Variants in CNTLN observed in about 807,000 individuals in gnomAD.
CNTLN encodes centlein, also known as centlein, centrosomal protein.
CNTLN carries 212 observed loss-of-function variants against 180.0 expected under a neutral mutation model. That is an observed-to-expected ratio of 1.18 (90% confidence interval 1.05 to 1.32). The LOEUF (loss-of-function observed/expected upper bound fraction) is 1.32. CNTLN is among the 40% of genes most tolerant of loss of function. CNTLN has a pLI of 0.00. For synonymous variants in CNTLN, 722 were observed against 563.1 expected (o/e 1.28, Z -3.99); for missense variants, 2,095 against 1,610.9 (o/e 1.30, Z -5.14).
At chr9:17,308,390 G>T (rs191530456) in intron 7 of CNTLN, among the ~76,000 whole-genome samples, 1 of 151,986 alleles carries the variant, frequency 6.6e-6, no homozygotes, top group Non-Finnish European at 1.5e-5. Context: ...GTATTGAAGA[G>T]CCTTTACATT....
At chr9:17,140,043 G>A (rs889361452) in intron 1 of CNTLN, among the ~76,000 whole-genome samples, 1 of 152,140 alleles carries the variant, frequency 6.6e-6, no homozygotes, top group African/African-American at 2.4e-5. Flanking sequence ...AGTGCCTGAA[G>A]GAAGGGAAAA....
intron 2 of CNTLN, among the ~76,000 whole-genome samples, chr9:17,220,020 T>C (rs1005166710): frequency 3.9e-5 from 6 of 152,080 alleles, no homozygotes; most frequent in Non-Finnish European, 8.8e-5. Context: ...CCTCAATATA[T>C]GAATTTTGAG....
At chr9:17,261,994 T>C (rs1056144262) in intron 5 of CNTLN, among the ~76,000 whole-genome samples, 2 of 151,490 alleles carry the variant, frequency 1.3e-5, no homozygotes, top group African/African-American at 4.9e-5. Context: ...TCAGTAGTCA[T>C]TAGAGAAATG....
At chr9:17,365,999 A>G (rs1375995441) in intron 12 of CNTLN, among the ~76,000 whole-genome samples, 1 of 152,192 alleles carries the variant, frequency 6.6e-6, no homozygotes, top group Non-Finnish European at 1.5e-5. Flanking sequence ...AAAATTATAT[A>G]GTCTGTATTT....
chr9:17,262,898 G>T (rs1475284936), intron 5 of CNTLN, among the ~76,000 whole-genome samples: 1 of 151,158 alleles, frequency 6.6e-6, no homozygotes, highest in Non-Finnish European at 1.5e-5. Flanking sequence ...TACCTAGTTT[G>T]TCGAGAGTTT....
chr9:17,297,879 A>G (rs1818059817), intron 6 of CNTLN, among the ~76,000 whole-genome samples: 1 of 152,232 alleles, frequency 6.6e-6, no homozygotes, highest in Admixed American at 6.5e-5. Context: ...CCACTTGTTA[A>G]TTCTTGAAAC....
chr9:17,330,598 A>G, intron 8 of CNTLN, 34 bp from the exon 9 acceptor site: 2 of 1,146,158 alleles, frequency 1.7e-6, no homozygotes, highest in Non-Finnish European at 2.5e-6. Flanking sequence ...ATACAAACAT[A>G]GATATCTATT....
chr9:17,361,302 CAGGTTTTAG>C (rs1823371915), intron 12 of CNTLN, among the ~76,000 whole-genome samples: 1 of 152,040 alleles, frequency 6.6e-6, no homozygotes, highest in Non-Finnish European at 1.5e-5. Flanking sequence ...TTTTTTAGCA[CAGGTTTTAG>C]AGTATCATTT....
chr9:17,266,183 A>C (rs893240450), intron 5 of CNTLN, among the ~76,000 whole-genome samples: 11 of 152,144 alleles, frequency 7.2e-5, no homozygotes, highest in African/African-American at 2.6e-4. Context: ...TTAGTGCTAT[A>C]AATTTCCTTC....
rs1184663101 is a variant in CNTLN, at chr9:17,141,116, A to T, written c.361-2172A>T. Among the ~76,000 whole-genome samples, 4 of 152,264 alleles carry T rather than the reference A, an allele frequency of 2.6e-5. No homozygotes were observed. In the East Asian group the frequency reaches 7.7e-4, roughly 29 times the overall value. On this transcript the variant is annotated intron_variant, in intron 1 of 25. Coordinates refer to ENST00000380647, the MANE Select transcript of CNTLN (RefSeq NM_017738.4). ...CCAACAGCACTTATATTTCATTGAC[A>T]GAACTTAGTCATATAACCCATAAGG... is the stretch of plus-strand genomic sequence containing the variant.
chr9:17,386,161 A>G lies in CNTLN; in HGVS notation c.1988-2001A>G, dbSNP rs1361630390. Among the ~76,000 whole-genome samples the G allele has an allele frequency of 1.3e-5, 2 of 152,064 alleles. 1 individual carries two copies. The highest frequency in any genetic ancestry group is 2.9e-5 in the Non-Finnish European group (2 of 68,014). On this transcript the variant is annotated intron_variant, in intron 13 of 25. Coordinates refer to ENST00000380647, the MANE Select transcript of CNTLN (RefSeq NM_017738.4). The stretch of plus-strand genomic sequence containing the variant: ...TAATAGATTTTTCAAATCATTTGTT[A>G]AATTAATTAAAAAAAAGAATCTAAA...
At chr9:17,303,544 A>T (rs1267382027) in intron 7 of CNTLN, among the ~76,000 whole-genome samples, 1 of 145,222 alleles carries the variant, frequency 6.9e-6, no homozygotes, top group East Asian at 2.0e-4. Flanking sequence ...AAGATTTTTT[A>T]CTAACGCTTT....
At chr9:17,380,996 C>G (rs1440132461) in intron 13 of CNTLN, among the ~76,000 whole-genome samples, 1 of 152,156 alleles carries the variant, frequency 6.6e-6, no homozygotes, top group Admixed American at 6.5e-5. Flanking sequence ...GTCACCTCCA[C>G]CCGTGATTTC....
At chr9:17,139,787 G>A (rs1042245946) in intron 1 of CNTLN, among the ~76,000 whole-genome samples, 3 of 152,012 alleles carry the variant, frequency 2.0e-5, no homozygotes, top group African/African-American at 7.3e-5. Flanking sequence ...TCATTGCAGC[G>A]TTGACCTCCT....
At chr9:17,266,419 CT>C (rs1424730540) in intron 5 of CNTLN, among the ~76,000 whole-genome samples, 1 of 152,098 alleles carries the variant, frequency 6.6e-6, no homozygotes, top group Non-Finnish European at 1.5e-5. Context: ...GTTATAATTT[CT>C]GTTCTTTTAC....
chr9:17,174,588 C>T (rs771291953), intron 2 of CNTLN, among the ~76,000 whole-genome samples: 5 of 151,506 alleles, frequency 3.3e-5, no homozygotes, highest in Non-Finnish European at 5.9e-5. Context: ...CCCAGCTACT[C>T]GGGAGGCTGA....
chr9:17,385,652 TC>T (rs1164207192), intron 13 of CNTLN, among the ~76,000 whole-genome samples: 1 of 152,100 alleles, frequency 6.6e-6, no homozygotes, highest in African/African-American at 2.4e-5. Context: ...CAACTGCAGA[TC>T]AAAAATATTT....
downstream of CNTLN, among the ~76,000 whole-genome samples, chr9:17,507,769 C>T (rs554357321): frequency 2.6e-5 from 4 of 152,178 alleles, no homozygotes; most frequent in South Asian, 2.1e-4. Flanking sequence ...TTTCTGCTCA[C>T]CAAGGAATGG....
At chr9:17,353,394 T>G (rs1161605511) in intron 12 of CNTLN, among the ~76,000 whole-genome samples, 1 of 151,912 alleles carries the variant, frequency 6.6e-6, no homozygotes, top group Non-Finnish European at 1.5e-5. Flanking sequence ...GGTCTGTTTT[T>G]GTTTTGTATT....
Sources: allele counts gnomAD v4.1 joint callset (sites outside exome capture counted in the v4.1 genomes callset), GRCh38; gene constraint gnomAD v4.1.1; transcripts MANE v1.5; gene names NCBI Gene and HGNC (gene_info 2026-07-23, HGNC 2026-07-21).